RAB11FIP3: variants seen among roughly 807,000 people sequenced by gnomAD.
RAB11FIP3 encodes RAB11 family interacting protein 3.
RAB11FIP3 carries 17 observed loss-of-function variants against 77.8 expected under a neutral mutation model. The ratio of observed to expected loss-of-function variants is 0.22; its 90% CI spans 0.15 to 0.33. RAB11FIP3 has a LOEUF of 0.33. RAB11FIP3 is among the 10% of genes least tolerant of loss of function. The probability of loss-of-function intolerance (pLI) is 1.00; values close to 1 mark genes in which losing one functional copy is unlikely to be tolerated. For synonymous variants in RAB11FIP3, 437 were observed against 448.2 expected, an observed-to-expected ratio of 0.98 and a Z score of 0.31; for missense variants, 1,005 against 1,011.2, an observed-to-expected ratio of 0.99 and a Z score of 0.08.
intron 3 of RAB11FIP3, among the ~76,000 whole-genome samples, chr16:475,773 A>G (rs1189427476): frequency 6.6e-6 from 1 of 152,168 alleles, no homozygotes; most frequent in East Asian, 1.9e-4. Flanking sequence ...GCCGCTGAGG[A>G]GTGGAACTGT....
chr16:463,669 C>G (rs1364041913), intron 2 of RAB11FIP3, among the ~76,000 whole-genome samples: 4 of 152,138 alleles, frequency 2.6e-5, no homozygotes, highest in Non-Finnish European at 5.9e-5. Context: ...AACTCCTGAC[C>G]TCAGGTGATC....
chr16:491,416 C>T (rs146038330), intron 5 of RAB11FIP3: 227 of 784,514 alleles, frequency 2.9e-4, no homozygotes, highest in African/African-American at 9.5e-4. Context: ...CCACCCTGCA[C>T]GCTGTGGGGC....
Position 521,015 on chromosome 16 carries a change from A to G in RAB11FIP3, c.*176A>G, listed in dbSNP as rs920018579. 1.6e-6 allele frequency: 1 copy of G among 621,522 alleles called. No individual in the cohort carries two copies. The highest frequency in any genetic ancestry group is 2.9e-6 in the Non-Finnish European group (1 of 347,382). 38.5% of individuals were successfully genotyped at this position (621,522 alleles called of 1,614,324 possible). A position where few individuals can be genotyped will look rare whatever the true frequency, so the allele number is the denominator to read the frequency against. On this transcript the variant is annotated 3_prime_UTR_variant, in exon 14 of 14. Transcript: ENST00000262305. Reference sequence around the variant, plus strand: ...AAGACCGGGGCTGCCAAAGGGGCAGAGGGTGGTGGAGAGGAGAGGGAGAAA... The same window carrying G: ...AAGACCGGGGCTGCCAAAGGGGCAGGGGGTGGTGGAGAGGAGAGGGAGAAA...
At chr16:462,613 G>GATCCCTTCCCCAGCACC (rs1262324648) in intron 2 of RAB11FIP3, among the ~76,000 whole-genome samples, 8 of 141,900 alleles carry the variant, frequency 5.6e-5, no homozygotes, top group Admixed American at 2.1e-4. Context: ...TCCCCAGCAC[G>GATCCCTTCCCCAGCACC]ATCCCTTCCC....
At chr16:455,940 A>G (rs940267197) in intron 1 of RAB11FIP3, among the ~76,000 whole-genome samples, 1 of 152,200 alleles carries the variant, frequency 6.6e-6, no homozygotes, top group African/African-American at 2.4e-5. Flanking sequence ...ATTTTATTGA[A>G]CATCCTTTCA....
At chr16:451,034 T>G (rs2055399769) in intron 1 of RAB11FIP3, among the ~76,000 whole-genome samples, 1 of 152,134 alleles carries the variant, frequency 6.6e-6, no homozygotes, top group Non-Finnish European at 1.5e-5. Flanking sequence ...TTCCTCATCA[T>G]GTTTGCTGAA....
chr16:448,581 A>T (rs1329350572), intron 1 of RAB11FIP3, among the ~76,000 whole-genome samples: 3 of 151,284 alleles, frequency 2.0e-5, no homozygotes. Context: ...ATAAAAATAC[A>T]AAATATTAGC....
chr16:484,261 C>A (rs1338826978), intron 4 of RAB11FIP3, among the ~76,000 whole-genome samples: 3 of 152,212 alleles, frequency 2.0e-5, no homozygotes, highest in Non-Finnish European at 4.4e-5. Flanking sequence ...AGCCAGCTCT[C>A]CACCGGCCCT....
intron 1 of RAB11FIP3, among the ~76,000 whole-genome samples, chr16:437,003 C>T (rs187446631): frequency 1.6e-4 from 25 of 152,138 alleles, no homozygotes; most frequent in Admixed American, 4.6e-4. Flanking sequence ...GAGTCGGGTG[C>T]AGTGGCTCAC....
At chr16:519,178 A>G in intron 10 of RAB11FIP3, 154 bp downstream of exon 10, 1 of 739,820 alleles carries the variant, frequency 1.4e-6, no homozygotes, top group Non-Finnish European at 2.2e-6. Context: ...GCTGGAAGAC[A>G]CTGGACCGTG....
chr16:491,101 T>C, intron 5 of RAB11FIP3: 1 of 1,280,616 alleles, frequency 7.8e-7, no homozygotes, highest in South Asian at 1.2e-5. Flanking sequence ...CGGGTCCTCA[T>C]CCTCTCCTGA....
At chr16:463,485 C>T (rs1216821770) in intron 2 of RAB11FIP3, among the ~76,000 whole-genome samples, 1 of 131,238 alleles carries the variant, frequency 7.6e-6, no homozygotes, top group African/African-American at 2.9e-5. Context: ...GTTGCCCAAG[C>T]TGAAGTGCAA....
intron 4 of RAB11FIP3, among the ~76,000 whole-genome samples, chr16:485,375 C>T (rs1373919230): frequency 6.6e-6 from 1 of 152,050 alleles, no homozygotes; most frequent in Non-Finnish European, 1.5e-5. Context: ...TTTTGCTGCT[C>T]TGTGGGTCTC....
intron 9 of RAB11FIP3, among the ~76,000 whole-genome samples, chr16:512,138 C>T (rs1020850810): frequency 1.3e-5 from 2 of 152,020 alleles, no homozygotes; most frequent in Admixed American, 1.3e-4. Flanking sequence ...CACAAGGGAT[C>T]GGTTCAAAGA....
In RAB11FIP3 at chr16:499,424, C is replaced by T. The variant is rs189738857; in HGVS notation, c.1301+2565C>T. 2.8e-3 allele frequency among the ~76,000 whole-genome samples: 431 copies of T among 152,280 alleles called. 1 individual carries two copies. The highest frequency in any genetic ancestry group is 3.9e-3 in the Non-Finnish European group (264 of 68,024). ...CGTGCCTAGGATGGGGCGCAGCCTG[C>T]AGTTGGCTGTCACAGCCTTGTGTCA... On this transcript the variant is annotated intron_variant, in intron 6 of 13. Transcript: ENST00000262305.
At position 471,253 on chromosome 16, in the gene RAB11FIP3, G is replaced by A. The variant is rs116515179; in HGVS notation, c.809-42G>A. 3,934 of 1,548,282 alleles carry A rather than the reference G, an allele frequency of 2.5e-3. 89 individuals are homozygous for A. The African/African-American group carries it at 0.044, about 17-fold the overall frequency. Reference sequence around the variant, plus strand: ...GCCGCCAGGGGTCCCGTCACTGGGTGGCTATGGGTGGCCTGTTGAGCACGA... The same window carrying A: ...GCCGCCAGGGGTCCCGTCACTGGGTAGCTATGGGTGGCCTGTTGAGCACGA... On this transcript the variant is annotated intron_variant, in intron 2 of 13. Coordinates refer to ENST00000262305, the MANE Select transcript of RAB11FIP3 (RefSeq NM_014700.4). The surrounding 1 kb of genome is among the most constrained non-coding windows in gnomAD (Gnocchi z 4.4).
chr16:448,738 G>GAAAAAAA (rs34545276), intron 1 of RAB11FIP3, among the ~76,000 whole-genome samples: 35 of 88,116 alleles, frequency 4.0e-4, no homozygotes, highest in Non-Finnish European at 4.3e-4. Flanking sequence ...TCCGTCTCAA[G>GAAAAAAA]AAAAAAAAAA....
intron 1 of RAB11FIP3, among the ~76,000 whole-genome samples, chr16:452,108 GC>G (rs1469756139): frequency 1.3e-5 from 2 of 151,748 alleles, no homozygotes; most frequent in East Asian, 3.9e-4. Flanking sequence ...TTGAGATCGC[GC>G]CACTGTACTC....
At position 519,745 on chromosome 16, in the gene RAB11FIP3, C is replaced by T; in HGVS notation, c.1723-9C>T. On this transcript the variant is annotated splice_polypyrimidine_tract_variant and intron_variant, in intron 10 of 13. Coordinates refer to ENST00000262305, the MANE Select transcript of RAB11FIP3 (RefSeq NM_014700.4). ...GACCCGCATCCAGGGCAGGTGTCCA[C>T]CCCTGCAGGAGAAGCAGAAGCTGTT... 1 of 1,611,852 alleles carries T rather than the reference C, an allele frequency of 6.2e-7. No individual in the cohort carries two copies.
Sources: allele counts gnomAD v4.1 joint callset (sites outside exome capture counted in the v4.1 genomes callset), GRCh38; gene constraint gnomAD v4.1.1; non-coding constraint Gnocchi (gnomAD v3.1); transcripts MANE v1.5; gene names NCBI Gene and HGNC (gene_info 2026-07-23, HGNC 2026-07-21).